PPP2R2B: variants seen among roughly 807,000 people sequenced by gnomAD.
PPP2R2B encodes serine/threonine-protein phosphatase 2A 55 kDa regulatory subunit B beta isoform.
In PPP2R2B, 5 loss-of-function variants were observed where a neutral mutation model predicts 46.0. That is an observed-to-expected ratio of 0.11 (90% confidence interval 0.06 to 0.23). PPP2R2B has a LOEUF of 0.23. PPP2R2B is among the 10% of genes least tolerant of loss of function. The probability of loss-of-function intolerance (pLI) is 1.00; values close to 1 mark genes in which losing one functional copy is unlikely to be tolerated. For synonymous variants in PPP2R2B, 215 were observed against 206.7 expected, an observed-to-expected ratio of 1.04 and a Z score of -0.34; for missense variants, 367 against 575.0, an observed-to-expected ratio of 0.64 and a Z score of 3.70.
intron 1 of PPP2R2B, among the ~76,000 whole-genome samples, chr5:146,909,248 C>T (rs1014576786): frequency 7.2e-5 from 11 of 152,196 alleles, no homozygotes; most frequent in Non-Finnish European, 1.3e-4. Context: ...GACATTCCCC[C>T]ACACTAACAT....
chr5:146,901,320 T>C (rs899485243), intron 1 of PPP2R2B, among the ~76,000 whole-genome samples: 28 of 152,130 alleles, frequency 1.8e-4, no homozygotes, highest in Admixed American at 1.3e-3. Context: ...GGTAACATAG[T>C]GAGACCCAGG....
At chr5:147,074,862 G>A (rs143851787) in intron 2 of PPP2R2B, among the ~76,000 whole-genome samples, 1 of 152,208 alleles carries the variant, frequency 6.6e-6, no homozygotes, top group African/African-American at 2.4e-5. Flanking sequence ...CCCTCTACAT[G>A]AGTGATCTTT....
At chr5:146,836,578 G>T (rs904439131) in intron 2 of PPP2R2B, among the ~76,000 whole-genome samples, 3 of 152,122 alleles carry the variant, frequency 2.0e-5, no homozygotes, top group African/African-American at 7.2e-5. Flanking sequence ...CTCTGTGTCT[G>T]GACTCACCTT....
intron 7 of PPP2R2B, among the ~76,000 whole-genome samples, chr5:146,602,352 C>G (rs1771865895): frequency 6.6e-6 from 1 of 152,182 alleles, no homozygotes; most frequent in South Asian, 2.1e-4. Flanking sequence ...TGTTGCTTCA[C>G]TGGAGCCAAA....
chr5:146,711,415 G>A (rs1433920061), intron 2 of PPP2R2B, among the ~76,000 whole-genome samples: 1 of 152,196 alleles, frequency 6.6e-6, no homozygotes, highest in Non-Finnish European at 1.5e-5. Context: ...TACTTAAGAT[G>A]TGAAGCAAGA....
intron 2 of PPP2R2B, among the ~76,000 whole-genome samples, chr5:146,804,534 G>C (rs996229942): frequency 4.6e-5 from 7 of 152,110 alleles, no homozygotes; most frequent in Non-Finnish European, 1.0e-4. Flanking sequence ...AACACCTTGA[G>C]AGCCAGGGTT....
intron 7 of PPP2R2B, among the ~76,000 whole-genome samples, chr5:146,635,038 T>C (rs1226867919): frequency 6.6e-6 from 1 of 152,220 alleles, no homozygotes; most frequent in Non-Finnish European, 1.5e-5. Context: ...ATAATTGTGA[T>C]AACTGCTGCC....
intron 2 of PPP2R2B, among the ~76,000 whole-genome samples, chr5:146,733,262 G>A (rs2151208982): frequency 6.6e-6 from 1 of 152,250 alleles, no homozygotes. Context: ...AAAGTACAGG[G>A]CTGGGTGGTC....
intron 5 of PPP2R2B, among the ~76,000 whole-genome samples, chr5:146,674,879 G>A (rs1777602599): frequency 6.6e-6 from 1 of 152,202 alleles, no homozygotes; most frequent in South Asian, 2.1e-4. Flanking sequence ...GTACAAGTTA[G>A]TAGTTACTCA....
intron 1 of PPP2R2B, chr5:147,055,640 G>A: frequency 1.3e-6 from 2 of 1,586,146 alleles, no homozygotes; most frequent in Non-Finnish European, 8.7e-7. Context: ...CACCCACCCA[G>A]ACACTCTCCC....
At chr5:146,733,862 C>T (rs1357029004) in intron 2 of PPP2R2B, among the ~76,000 whole-genome samples, 1 of 152,068 alleles carries the variant, frequency 6.6e-6, no homozygotes, top group East Asian at 1.9e-4. Flanking sequence ...TGAGTCATGA[C>T]AATAGCAGCA....
intron 7 of PPP2R2B, among the ~76,000 whole-genome samples, chr5:146,613,700 C>T (rs1388750644): frequency 1.5e-5 from 2 of 130,960 alleles, no homozygotes; most frequent in Admixed American, 7.7e-5. Flanking sequence ...TTCTTATACA[C>T]CAACAACAGA....
intron 7 of PPP2R2B, among the ~76,000 whole-genome samples, chr5:146,600,809 A>C (rs1771710774): frequency 6.6e-6 from 1 of 152,224 alleles, no homozygotes. Flanking sequence ...TTTGTTTTAC[A>C]GCTTTAGTGA....
intron 1 of PPP2R2B, among the ~76,000 whole-genome samples, chr5:146,974,370 T>C (rs913649942): frequency 2.0e-5 from 3 of 152,016 alleles, no homozygotes; most frequent in Non-Finnish European, 2.9e-5. Flanking sequence ...CATTAGAAAA[T>C]GGAGGTCCAA....
upstream of PPP2R2B, among the ~76,000 whole-genome samples, chr5:146,881,870 A>G (rs1762178426): frequency 6.6e-6 from 1 of 152,242 alleles, no homozygotes; most frequent in Non-Finnish European, 1.5e-5. Flanking sequence ...TATTAAAATA[A>G]TCTGTTGTGA....
intron 1 of PPP2R2B, among the ~76,000 whole-genome samples, chr5:146,886,671 A>AT (rs1040507002): frequency 6.6e-6 from 1 of 152,138 alleles, no homozygotes; most frequent in Admixed American, 6.5e-5. Context: ...AACTGCTACA[A>AT]TTTTTTGGTT....
intron 1 of PPP2R2B, among the ~76,000 whole-genome samples, chr5:147,029,577 C>G (rs544956690): frequency 6.6e-6 from 1 of 151,942 alleles, no homozygotes; most frequent in Non-Finnish European, 1.5e-5. Context: ...TGAACTGTGC[C>G]CCCCTGCAAA....
chr5:146,624,556 C>T (rs1336206432), intron 7 of PPP2R2B, among the ~76,000 whole-genome samples: 1 of 152,210 alleles, frequency 6.6e-6, no homozygotes, highest in African/African-American at 2.4e-5. Flanking sequence ...AGCTTTCTGA[C>T]TCTTCTCCCA....
At chr5:146,950,381 C>T (rs1764614870) in intron 1 of PPP2R2B, among the ~76,000 whole-genome samples, 1 of 151,946 alleles carries the variant, frequency 6.6e-6, no homozygotes, top group Non-Finnish European at 1.5e-5. Context: ...ATATCACTGC[C>T]AAAGACAGAG....
Sources: gnomAD v4.1 joint callset for allele counts (sites outside exome capture counted in the v4.1 genomes callset) on GRCh38, gnomAD v4.1.1 for gene constraint, MANE v1.5 for transcripts, NCBI Gene and HGNC (gene_info 2026-07-23, HGNC 2026-07-21) for gene names.